PRKD3: variants seen among roughly 807,000 people sequenced by gnomAD.
PRKD3 encodes protein kinase D3, also known as serine/threonine-protein kinase D3.
PRKD3 carries 47 observed loss-of-function variants against 99.2 expected under a neutral mutation model. The ratio of observed to expected loss-of-function variants is 0.47; its 90% confidence interval spans 0.38 to 0.60. PRKD3 has a LOEUF of 0.60. PRKD3 is among the 20% of genes least tolerant of loss of function. The pLI is 0.00. For synonymous variants in PRKD3, 392 were observed against 355.4 expected (o/e 1.10, Z -1.16); for missense variants, 1,019 against 1,088.4 (o/e 0.94, Z 0.90).
intron 2 of PRKD3, among the ~76,000 whole-genome samples, chr2:37,305,333 A>C (rs1291454369): frequency 1.3e-5 from 2 of 152,262 alleles, no homozygotes; most frequent in African/African-American, 4.8e-5. Context: ...AATGTTTTAA[A>C]TCAGCTAAAA....
At chr2:37,265,534 A>G (rs959691373) in intron 14 of PRKD3, among the ~76,000 whole-genome samples, 31 of 152,230 alleles carry the variant, frequency 2.0e-4, no homozygotes, top group African/African-American at 7.2e-4. Context: ...GGGTCAGTCC[A>G]ATGATGTAAA....
At chr2:37,313,872 C>T (rs550592417) in intron 2 of PRKD3, among the ~76,000 whole-genome samples, 5 of 152,238 alleles carry the variant, frequency 3.3e-5, no homozygotes, top group African/African-American at 9.6e-5. Context: ...TTAATATTTT[C>T]AACTTGCCAT....
intron 1 of PRKD3, among the ~76,000 whole-genome samples, chr2:37,317,613 T>A (rs1671720615): frequency 6.6e-6 from 1 of 152,150 alleles, no homozygotes; most frequent in South Asian, 2.1e-4. Flanking sequence ...AAGAGTATTC[T>A]TTTTTTAATA....
intron 2 of PRKD3, among the ~76,000 whole-genome samples, chr2:37,313,197 G>C (rs940042105): frequency 6.6e-6 from 1 of 152,228 alleles, no homozygotes; most frequent in African/African-American, 2.4e-5. Flanking sequence ...CAACTCTGCT[G>C]CTGCAGAACA....
intron 17 of PRKD3, among the ~76,000 whole-genome samples, 184 bp downstream of exon 17, chr2:37,256,478 A>G (rs191797816): frequency 6.6e-6 from 1 of 152,306 alleles, no homozygotes; most frequent in East Asian, 1.9e-4. Context: ...TACAGAAGAC[A>G]CAGATAAAAG....
intron 14 of PRKD3, among the ~76,000 whole-genome samples, chr2:37,260,791 G>A (rs1668375203): frequency 2.0e-5 from 3 of 152,000 alleles, no homozygotes; most frequent in Non-Finnish European, 4.4e-5. Flanking sequence ...TTGCTTAAGA[G>A]TTTTATTTCT....
At chr2:37,272,462 T>C in intron 11 of PRKD3, 30 bp from the exon 12 acceptor site, 1 of 1,578,706 alleles carries the variant, frequency 6.3e-7, no homozygotes, top group Non-Finnish European at 8.6e-7. Flanking sequence ...CAAAATTTAG[T>C]ATATGACAAT....
intron 3 of PRKD3, 51 bp downstream of exon 3, chr2:37,293,082 T>G: frequency 6.7e-7 from 1 of 1,482,414 alleles, no homozygotes; most frequent in Non-Finnish European, 9.2e-7. Context: ...GTACAGAAAA[T>G]TAGGCTCTTT....
intron 5 of PRKD3, among the ~76,000 whole-genome samples, chr2:37,288,723 A>C (rs1450139262): frequency 6.6e-6 from 1 of 152,168 alleles, no homozygotes; most frequent in East Asian, 1.9e-4. Flanking sequence ...CTGACTTCAC[A>C]CAAGTCACTT....
chr2:37,299,562 G>C (rs1670826984), intron 2 of PRKD3, among the ~76,000 whole-genome samples: 1 of 135,774 alleles, frequency 7.4e-6, no homozygotes, highest in Non-Finnish European at 1.6e-5. Context: ...ACACACACAA[G>C]CTTCTGCAAG....
intron 14 of PRKD3, among the ~76,000 whole-genome samples, chr2:37,262,961 C>T (rs983835184): frequency 6.1e-5 from 9 of 148,356 alleles, no homozygotes; most frequent in South Asian, 2.3e-4. Flanking sequence ...CTTAGGATGG[C>T]CATTTTATTT....
At chr2:37,321,826 G>C (rs965993902) in intron 1 of PRKD3, among the ~76,000 whole-genome samples, 1 of 152,158 alleles carries the variant, frequency 6.6e-6, no homozygotes. Flanking sequence ...ATAAGCAAGA[G>C]TCAACGATGC....
chr2:37,276,254 T>C (rs899811667), intron 9 of PRKD3, among the ~76,000 whole-genome samples: 8 of 152,164 alleles, frequency 5.3e-5, no homozygotes, highest in South Asian at 2.1e-4. Flanking sequence ...GTTATATTAT[T>C]CTACACAAGA....
intron 2 of PRKD3, among the ~76,000 whole-genome samples, chr2:37,308,590 G>T (rs1414699850): frequency 6.7e-6 from 1 of 150,184 alleles, no homozygotes; most frequent in Non-Finnish European, 1.5e-5. Flanking sequence ...GAGTAGTTGG[G>T]ATTATAGGCA....
chr2:37,297,742 G>C (rs772319113), intron 2 of PRKD3, among the ~76,000 whole-genome samples: 1 of 152,066 alleles, frequency 6.6e-6, no homozygotes, highest in Non-Finnish European at 1.5e-5. Flanking sequence ...ATTATTACTG[G>C]GGTAATGGGT....
intron 18 of PRKD3, 82 bp downstream of exon 18, chr2:37,254,122 T>TAA: frequency 1.0e-6 from 1 of 980,408 alleles, no homozygotes; most frequent in Admixed American, 1.8e-5. Context: ...CTGCTGATCT[T>TAA]AGAGTGGTCT....
chr2:37,324,299 T>G, intron 1 of PRKD3: 1 of 871,302 alleles, frequency 1.1e-6, no homozygotes, highest in South Asian at 5.3e-5. Context: ...GGAACTAGTT[T>G]GGGAGACCCG....
chr2:37,253,011 C>T lies in PRKD3; in HGVS notation c.*166G>A. 5.2e-6 allele frequency: 3 copies of T among 576,970 alleles called. No homozygotes were observed. Among genetic ancestry groups the T allele is most frequent in the Non-Finnish European group, 8.0e-6 (3 of 373,722 alleles). The allele number at this position is 576,970 out of a possible 1,614,324, so 35.7% of individuals were successfully genotyped here. On this transcript the variant is annotated 3_prime_UTR_variant, in exon 19 of 19. Coordinates refer to ENST00000234179, the MANE Select transcript of PRKD3 (RefSeq NM_005813.6). The stretch of plus-strand genomic sequence containing the variant: ...TATGACTTCTTATTATTCAGTTTCC[C>T]GCCTGTACCTACTCATTATGAACTA...
At chr2:37,318,195 G>C (rs1326154860) in intron 1 of PRKD3, among the ~76,000 whole-genome samples, 3 of 152,014 alleles carry the variant, frequency 2.0e-5, no homozygotes, top group Non-Finnish European at 2.9e-5. Context: ...CACAACTATA[G>C]TATTAGGAAT....
Sources: gnomAD v4.1 joint callset for allele counts (sites outside exome capture counted in the v4.1 genomes callset) on GRCh38, gnomAD v4.1.1 for gene constraint, MANE v1.5 for transcripts, NCBI Gene and HGNC (gene_info 2026-07-23, HGNC 2026-07-21) for gene names.